DMD: variants seen among roughly 807,000 people sequenced by gnomAD.
DMD encodes mutant dystrophin.
Under a neutral mutation model 330.1 loss-of-function variants are expected in DMD, and 63 were observed. The ratio of observed to expected loss-of-function variants is 0.19; its 90% confidence interval spans 0.16 to 0.24. The LOEUF is 0.24. Among genes scored for constraint, DMD ranks in the 10% least tolerant of loss-of-function variants. The pLI is 1.00. For synonymous variants in DMD, 1,223 were observed against 959.8 expected (o/e 1.27, Z -5.07); for missense variants, 3,344 against 2,684.1 (o/e 1.25, Z -5.43).
chrX:32,198,129 G>C (rs1322440676), intron 44 of DMD, among the ~76,000 whole-genome samples: 3 of 111,740 alleles, frequency 2.7e-5, no homozygotes, highest in Non-Finnish European at 5.6e-5. Context: ...TATAGTAGTT[G>C]ATGAACATCT....
At chrX:31,587,244 G>A (rs899138097) in intron 55 of DMD, among the ~76,000 whole-genome samples, 1 of 111,550 alleles carries the variant, frequency 9.0e-6, no homozygotes, top group Admixed American at 9.5e-5. Context: ...GGAGGAGTAT[G>A]TTCAAGAGAC....
At position 31,736,753 on chromosome X, in the gene DMD, T is replaced by G. The variant is rs1364117638; in HGVS notation, c.7543-7005A>C. Among the ~76,000 whole-genome samples, 7 of 111,262 alleles carry G rather than the reference T, an allele frequency of 6.3e-5. No individual in the cohort carries two copies. The East Asian group carries it at 1.7e-3, about 27-fold the overall frequency. ...ACAACAACAATAGTTGTTTATTGAG[T>G]GCATACCATATGCCAAAAGAGTCTA... On this transcript the variant is annotated intron_variant, in intron 51 of 78. Coordinates refer to ENST00000357033, the MANE Select transcript of DMD (RefSeq NM_004006.3).
chrX:32,566,765 T>G (rs2051766983), intron 15 of DMD, among the ~76,000 whole-genome samples: 1 of 111,770 alleles, frequency 8.9e-6, no homozygotes, highest in Admixed American at 9.5e-5. Flanking sequence ...CTTGACTCAG[T>G]AACTTTGCCT....
intron 2 of DMD, among the ~76,000 whole-genome samples, chrX:33,003,748 A>C (rs555990165): frequency 1.8e-5 from 2 of 112,219 alleles, no homozygotes; most frequent in African/African-American, 6.4e-5. Flanking sequence ...CTCTACTTAC[A>C]TAGCTCGTTT....
intron 19 of DMD, 40 bp downstream of exon 19, chrX:32,501,715 A>G (rs2148690365): frequency 3.9e-6 from 4 of 1,032,267 alleles, no homozygotes; most frequent in Non-Finnish European, 5.4e-6. Context: ...GTGTTTATCA[A>G]ATCCCTAAGA....
At chrX:32,172,491 C>T (rs1232886976) in intron 44 of DMD, among the ~76,000 whole-genome samples, 1 of 111,858 alleles carries the variant, frequency 8.9e-6, no homozygotes, top group Non-Finnish European at 1.9e-5. Context: ...AATGCCCTCC[C>T]TCTCCCTTCT....
intron 2 of DMD, among the ~76,000 whole-genome samples, chrX:32,923,493 A>G (rs904690209): frequency 9.1e-6 from 1 of 110,384 alleles, no homozygotes; most frequent in Non-Finnish European, 1.9e-5. Context: ...CCCGGGAGCC[A>G]GAGGTTGCAG....
At chrX:33,022,351 CA>C (rs1269874194) in intron 1 of DMD, among the ~76,000 whole-genome samples, 1 of 110,582 alleles carries the variant, frequency 9.0e-6, no homozygotes, top group Non-Finnish European at 1.9e-5. Flanking sequence ...GCATCGAAGG[CA>C]GCACGAAAAC....
chrX:32,804,529 G>T (rs2076812986), intron 7 of DMD, among the ~76,000 whole-genome samples: 1 of 112,471 alleles, frequency 8.9e-6, no homozygotes, highest in Non-Finnish European at 1.9e-5. Context: ...GTGAGGGAAG[G>T]GGCAGCTGTG....
chrX:33,077,179 A>T (rs1347984097), intron 1 of DMD, among the ~76,000 whole-genome samples: 1 of 111,221 alleles, frequency 9.0e-6, no homozygotes, highest in African/African-American at 3.3e-5. Flanking sequence ...TGACTCCTAA[A>T]CCATAATTTC....
chrX:31,794,418 G>T (rs2091725634), intron 50 of DMD, among the ~76,000 whole-genome samples: 1 of 111,722 alleles, frequency 9.0e-6, no homozygotes, highest in South Asian at 3.7e-4. Flanking sequence ...TCAACATTAA[G>T]CAGCAGCTGA....
rs956073380 is a variant in DMD, at chrX:32,289,039, C to T, written c.6118-1338G>A. 4.5e-5 allele frequency among the ~76,000 whole-genome samples: 5 copies of T among 111,827 alleles called. No homozygotes were observed. In the Admixed American group the frequency reaches 4.8e-4, roughly 11 times the overall value. ...TTGGTTCCAACAGCTGCCCAGTTCA[C>T]GGAAAGCCTTCTAATTTAGTTTACT... On this transcript the variant is annotated intron_variant, in intron 42 of 78. Coordinates refer to ENST00000357033, the MANE Select transcript of DMD (RefSeq NM_004006.3).
intron 16 of DMD, among the ~76,000 whole-genome samples, chrX:32,554,819 AGGGAGG>A (rs1311813867): frequency 3.6e-3 from 20 of 5,611 alleles, no homozygotes; most frequent in East Asian, 0.032. Context: ...GGAGGGAGGG[AGGGAGG>A]GGGAGGGAGA....
At chrX:31,182,240 G>GT (rs749333977) in intron 68 of DMD, among the ~76,000 whole-genome samples, 1 of 111,608 alleles carries the variant, frequency 9.0e-6, no homozygotes, top group Non-Finnish European at 1.9e-5. Context: ...CTAAGATGCT[G>GT]AAAACAATTC....
chrX:31,275,612 G>A (rs901928441), intron 62 of DMD, among the ~76,000 whole-genome samples: 2 of 110,937 alleles, frequency 1.8e-5, no homozygotes, highest in Non-Finnish European at 3.8e-5. Flanking sequence ...TTTTAAAATA[G>A]AATTAAATTT....
chrX:32,782,328 T>C (rs2074855181), intron 7 of DMD, among the ~76,000 whole-genome samples: 4 of 111,723 alleles, frequency 3.6e-5, no homozygotes, highest in African/African-American at 6.5e-5. Context: ...TTTCAATATG[T>C]ATGCAGTAAC....
At chrX:32,411,491 A>C (rs928984523) in intron 30 of DMD, among the ~76,000 whole-genome samples, 1 of 111,328 alleles carries the variant, frequency 9.0e-6, no homozygotes, top group Non-Finnish European at 1.9e-5. Context: ...GTATAGTTTG[A>C]AGTCAGAAAC....
At chrX:32,157,099 C>T (rs2096833288) in intron 44 of DMD, among the ~76,000 whole-genome samples, 1 of 111,993 alleles carries the variant, frequency 8.9e-6, no homozygotes, top group African/African-American at 3.3e-5. Flanking sequence ...TAATAAACAG[C>T]GTAATTAAGC....
intron 1 of DMD, among the ~76,000 whole-genome samples, chrX:33,281,969 T>A (rs758399207): frequency 9.2e-6 from 1 of 108,906 alleles, no homozygotes; most frequent in South Asian, 4.1e-4. Context: ...CTAGATAGGA[T>A]TATTGTGTTA....
Sources: gnomAD v4.1 joint callset for allele counts (sites outside exome capture counted in the v4.1 genomes callset) on GRCh38, gnomAD v4.1.1 for gene constraint, MANE v1.5 for transcripts, NCBI Gene and HGNC (gene_info 2026-07-23, HGNC 2026-07-21) for gene names.